DAB1: variants seen among roughly 807,000 people sequenced by gnomAD.
DAB1 encodes disabled homolog 1.
Under a neutral mutation model 64.6 loss-of-function variants are expected in DAB1, and 15 were observed. The observed-to-expected ratio is 0.23, with a 90% CI of 0.16 to 0.36. DAB1 has a LOEUF of 0.36. Ranked by LOEUF, DAB1 falls within the 10% of genes least tolerant of loss-of-function variation. DAB1 has a pLI of 1.00. For synonymous variants in DAB1, 235 were observed against 251.9 expected, an observed-to-expected ratio of 0.93 and a Z score of 0.64; for missense variants, 596 against 706.7, an observed-to-expected ratio of 0.84 and a Z score of 1.78.
intron 2 of DAB1, among the ~76,000 whole-genome samples, chr1:58,521,445 G>A (rs1041261428): frequency 2.0e-5 from 3 of 151,386 alleles, no homozygotes; most frequent in Admixed American, 2.0e-4. Context: ...AATGGTAACT[G>A]ACATAACAGA....
intron 3 of DAB1, among the ~76,000 whole-genome samples, chr1:58,345,759 C>G (rs957320469): frequency 3.3e-5 from 5 of 152,054 alleles, no homozygotes; most frequent in African/African-American, 1.2e-4. Context: ...TGCTTCCTCA[C>G]CCACCCCCAT....
intron 7 of DAB1, among the ~76,000 whole-genome samples, chr1:57,623,214 T>C (rs1645882950): frequency 6.6e-6 from 1 of 152,114 alleles, no homozygotes; most frequent in Non-Finnish European, 1.5e-5. Context: ...CAGGGAAGCA[T>C]GGGCCACAGG....
chr1:57,778,556 G>A (rs563430414), intron 6 of DAB1, among the ~76,000 whole-genome samples: 136 of 152,010 alleles, frequency 8.9e-4, no homozygotes, highest in African/African-American at 3.2e-3. Context: ...TAGTACAAGG[G>A]TAAGTCTGGC....
At chr1:57,257,420 G>A (rs530404344) in intron 2 of DAB1, among the ~76,000 whole-genome samples, 2,247 of 152,236 alleles carry the variant, frequency 0.015, 43 homozygotes, top group African/African-American at 0.052. Context: ...AAGTATCTAT[G>A]GTGGATAAAG....
chr1:58,000,760 G>C (rs559078449), intron 5 of DAB1, among the ~76,000 whole-genome samples: 2 of 151,616 alleles, frequency 1.3e-5, no homozygotes, highest in East Asian at 3.9e-4. Flanking sequence ...TAGTAGGGTC[G>C]GGGTTTCACC....
At position 57,918,214 on chromosome 1, in the gene DAB1, G is replaced by A. The variant is rs551375685; in HGVS notation, n.388-34052C>T. ...AAAAGAAGCCATAGACAATGTATAA[G>A]CAAATAGGCATGGCTGTAATCCAAT... On this transcript the variant is annotated intron_variant and non_coding_transcript_variant, in intron 5 of 20. Transcript: ENST00000485760. Among the ~76,000 whole-genome samples, 210 of 152,148 alleles carry A rather than the reference G, an allele frequency of 1.4e-3. 1 individual carries two copies. The highest frequency in any genetic ancestry group is 4.4e-3 in the African/African-American group (182 of 41,530).
intron 5 of DAB1, among the ~76,000 whole-genome samples, chr1:57,931,770 G>T (rs182278778): frequency 1.3e-5 from 2 of 151,992 alleles, no homozygotes; most frequent in African/African-American, 4.8e-5. Flanking sequence ...ACAGGCTTTC[G>T]ATCTTACTGA....
At chr1:58,127,679 G>A (rs1653212470) in intron 5 of DAB1, among the ~76,000 whole-genome samples, 1 of 152,092 alleles carries the variant, frequency 6.6e-6, no homozygotes, top group Non-Finnish European at 1.5e-5. Context: ...TCTACATATG[G>A]CTAGCCAGTT....
intron 2 of DAB1, among the ~76,000 whole-genome samples, chr1:57,206,318 T>C (rs556090059): frequency 6.6e-6 from 1 of 152,178 alleles, no homozygotes; most frequent in Non-Finnish European, 1.5e-5. Context: ...GGTATCTCCC[T>C]CTACCAGACA....
At chr1:58,397,144 A>G (rs1209100469) in intron 3 of DAB1, among the ~76,000 whole-genome samples, 2 of 151,816 alleles carry the variant, frequency 1.3e-5, no homozygotes, top group Non-Finnish European at 2.9e-5. Flanking sequence ...GGAGGGAGAG[A>G]GCGGGGTGGG....
At chr1:57,009,438 G>A (rs1267797361) in intron 14 of DAB1, among the ~76,000 whole-genome samples, 1 of 152,160 alleles carries the variant, frequency 6.6e-6, no homozygotes, top group African/African-American at 2.4e-5. Flanking sequence ...CAGTGTGTTA[G>A]GTTCTTTAAT....
chr1:58,044,733 G>C (rs776425183), intron 5 of DAB1, among the ~76,000 whole-genome samples: 2 of 152,082 alleles, frequency 1.3e-5, no homozygotes, highest in South Asian at 4.2e-4. Flanking sequence ...AATATCTGTC[G>C]ATTAGGGATA....
At chr1:57,521,023 G>A (rs1644519897) in intron 7 of DAB1, among the ~76,000 whole-genome samples, 2 of 152,110 alleles carry the variant, frequency 1.3e-5, no homozygotes, top group Admixed American at 6.5e-5. Context: ...TTCTAAGCAG[G>A]GAATTCACTA....
chr1:57,082,775 G>A (rs541842814), intron 4 of DAB1, among the ~76,000 whole-genome samples: 85 of 152,180 alleles, frequency 5.6e-4, no homozygotes, highest in Middle Eastern at 3.4e-3. Flanking sequence ...GAAAACATGC[G>A]GTATTTGGTT....
At chr1:57,352,606 T>C (rs1035408347) in intron 1 of DAB1, among the ~76,000 whole-genome samples, 2 of 152,130 alleles carry the variant, frequency 1.3e-5, no homozygotes, top group African/African-American at 4.8e-5. Flanking sequence ...AACCAAGGCA[T>C]AGAAATTTAA....
chr1:57,314,803 G>C (rs915549048), intron 1 of DAB1, among the ~76,000 whole-genome samples: 1 of 151,302 alleles, frequency 6.6e-6, no homozygotes, highest in African/African-American at 2.4e-5. Context: ...GGGATGAACA[G>C]ATGGAAAAAA....
At chr1:58,546,131 C>T (rs1376022043) in intron 1 of DAB1, among the ~76,000 whole-genome samples, 1 of 152,180 alleles carries the variant, frequency 6.6e-6, no homozygotes, top group African/African-American at 2.4e-5. Context: ...GACGAGTTTA[C>T]GAGGAAATTG....
At chr1:57,571,478 G>A (rs1345507526) in intron 7 of DAB1, among the ~76,000 whole-genome samples, 1 of 152,048 alleles carries the variant, frequency 6.6e-6, no homozygotes, top group Non-Finnish European at 1.5e-5. Flanking sequence ...TGAGAAATGG[G>A]GTAAGAATAC....
At chr1:57,416,165 T>TAC (rs1684477296) in intron 1 of DAB1, among the ~76,000 whole-genome samples, 1 of 152,178 alleles carries the variant, frequency 6.6e-6, no homozygotes, top group South Asian at 2.1e-4. Context: ...TTGACATATA[T>TAC]ACCATAATAT....
Sources: allele counts gnomAD v4.1 joint callset (sites outside exome capture counted in the v4.1 genomes callset), GRCh38; gene constraint gnomAD v4.1.1; transcripts MANE v1.5; gene names NCBI Gene and HGNC (gene_info 2026-07-23, HGNC 2026-07-21).